Variants in FGF12 observed in about 807,000 individuals in gnomAD.
FGF12 encodes the protein fibroblast growth factor 12.
In FGF12, 14 loss-of-function variants were observed where a neutral mutation model predicts 23.6. The ratio of observed to expected loss-of-function variants is 0.59; its 90% CI spans 0.39 to 0.93. The LOEUF (loss-of-function observed/expected upper bound fraction) is 0.93, where lower values mean the gene tolerates loss of function less well. FGF12 is among the 40% of genes least tolerant of loss of function. FGF12 has a pLI of 0.00. For missense variants in FGF12, 175 were observed against 217.8 expected (o/e 0.80, Z 1.24); for synonymous variants, 62 against 77.3 (o/e 0.80, Z 1.04).
chr3:192,546,239 T>C (rs1258564138), intron 2 of FGF12, among the ~76,000 whole-genome samples: 1 of 152,150 alleles, frequency 6.6e-6, no homozygotes, highest in Non-Finnish European at 1.5e-5. Flanking sequence ...TTATAGAGTA[T>C]TGTAAGAAGT....
chr3:192,483,256 T>A (rs539401390), intron 2 of FGF12, among the ~76,000 whole-genome samples: 1 of 152,282 alleles, frequency 6.6e-6, no homozygotes, highest in South Asian at 2.1e-4. Flanking sequence ...TTTAATGGAC[T>A]ACTATACCTA....
intron 2 of FGF12, among the ~76,000 whole-genome samples, chr3:192,666,857 CACT>C (rs1247869212): frequency 4.0e-5 from 6 of 151,852 alleles, no homozygotes; most frequent in Non-Finnish European, 5.9e-5. Context: ...ATATGATTGA[CACT>C]ACATTAGAGA....
intron 2 of FGF12, among the ~76,000 whole-genome samples, chr3:192,388,128 G>C (rs567618464): frequency 6.6e-6 from 1 of 152,178 alleles, no homozygotes; most frequent in South Asian, 2.1e-4. Flanking sequence ...AGGCATGGTG[G>C]CATGTGCCTG....
chr3:192,238,705 T>A (rs1303007390), intron 4 of FGF12: 2 of 152,204 alleles, frequency 1.3e-5, no homozygotes, highest in African/African-American at 4.8e-5. Flanking sequence ...GCTTTTGTGT[T>A]ACATGTATAT....
At chr3:192,447,410 G>A (rs1375732240) in intron 2 of FGF12, among the ~76,000 whole-genome samples, 3 of 152,026 alleles carry the variant, frequency 2.0e-5, no homozygotes, top group African/African-American at 7.2e-5. Flanking sequence ...TCAATAATTA[G>A]TACAGCTGAT....
chr3:192,274,860 T>C (rs1713681359), intron 4 of FGF12, among the ~76,000 whole-genome samples: 2 of 152,306 alleles, frequency 1.3e-5, no homozygotes, highest in South Asian at 4.1e-4. Context: ...ACATTTTCTT[T>C]ATCCAACGAT....
intron 4 of FGF12, among the ~76,000 whole-genome samples, chr3:192,174,179 A>G (rs914302076): frequency 2.0e-5 from 3 of 152,210 alleles, no homozygotes; most frequent in Non-Finnish European, 4.4e-5. Flanking sequence ...TGAGAAAAAC[A>G]ACACTCTCAT....
intron 2 of FGF12, among the ~76,000 whole-genome samples, chr3:192,711,389 C>T (rs531520184): frequency 1.6e-4 from 25 of 152,072 alleles, no homozygotes; most frequent in Non-Finnish European, 3.1e-4. Flanking sequence ...TCTGCCCGGC[C>T]GCCCCTTCTG....
At chr3:192,428,671 G>C (rs184805138) in intron 2 of FGF12, among the ~76,000 whole-genome samples, 1 of 152,116 alleles carries the variant, frequency 6.6e-6, no homozygotes, top group African/African-American at 2.4e-5. Flanking sequence ...CCCCAGACTG[G>C]GGACAATGTC....
intron 2 of FGF12, among the ~76,000 whole-genome samples, chr3:192,374,035 T>C (rs1317611805): frequency 6.6e-6 from 1 of 152,220 alleles, no homozygotes; most frequent in Non-Finnish European, 1.5e-5. Flanking sequence ...ATGTGACACA[T>C]TGTATTAAGA....
intron 4 of FGF12, among the ~76,000 whole-genome samples, chr3:192,299,196 G>T (rs112196120): frequency 6.6e-6 from 1 of 152,336 alleles, no homozygotes; most frequent in Middle Eastern, 3.4e-3. Context: ...GAAGAAATTG[G>T]AGAAGATTGT....
intron 2 of FGF12, among the ~76,000 whole-genome samples, chr3:192,629,414 T>A (rs1715303097): frequency 6.6e-6 from 1 of 152,232 alleles, no homozygotes. Context: ...GGGGAGATAT[T>A]ACTAGTTAGG....
At chr3:192,539,128 A>C (rs987686115) in intron 2 of FGF12, among the ~76,000 whole-genome samples, 47 of 152,184 alleles carry the variant, frequency 3.1e-4, no homozygotes, top group African/African-American at 1.1e-3. Context: ...GATGCTTTTT[A>C]TTTCTTTCTC....
intron 2 of FGF12, among the ~76,000 whole-genome samples, chr3:192,608,011 T>C (rs1282546907): frequency 2.0e-5 from 3 of 152,152 alleles, no homozygotes; most frequent in Non-Finnish European, 4.4e-5. Flanking sequence ...ACTGGATCAT[T>C]GAGGCCATTG....
intron 2 of FGF12, among the ~76,000 whole-genome samples, chr3:192,642,990 G>A (rs879781515): frequency 7.2e-5 from 11 of 152,038 alleles, no homozygotes; most frequent in Middle Eastern, 3.2e-3. Flanking sequence ...TATCAATTAC[G>A]TTTTCTTACC....
intron 2 of FGF12, among the ~76,000 whole-genome samples, chr3:192,478,798 A>C (rs942520306): frequency 2.0e-5 from 3 of 152,228 alleles, no homozygotes; most frequent in African/African-American, 7.2e-5. Flanking sequence ...TTACTGTTTC[A>C]GTGTAACTGT....
At chr3:192,711,251 CCCT>C (rs1173817210) in intron 2 of FGF12, among the ~76,000 whole-genome samples, 1 of 138,582 alleles carries the variant, frequency 7.2e-6, no homozygotes, top group East Asian at 2.2e-4. Context: ...GGGGGCCAGC[CCCT>C]GCCCGGCCAG....
chr3:192,265,090 A>T (rs1283225896), intron 4 of FGF12, among the ~76,000 whole-genome samples: 9 of 152,190 alleles, frequency 5.9e-5, no homozygotes, highest in Admixed American at 5.9e-4. Flanking sequence ...TAAAGGAGAA[A>T]ACATAAAAAG....
At chr3:192,284,082 T>C (rs186662328) in intron 4 of FGF12, among the ~76,000 whole-genome samples, 1 of 152,170 alleles carries the variant, frequency 6.6e-6, no homozygotes, top group East Asian at 1.9e-4. Flanking sequence ...GAATTCTGCA[T>C]TGCAGCTTTT....
Sources: allele counts gnomAD v4.1 joint callset (sites outside exome capture counted in the v4.1 genomes callset), GRCh38; gene constraint gnomAD v4.1.1; transcripts MANE v1.5; gene names NCBI Gene and HGNC (gene_info 2026-07-23, HGNC 2026-07-21).